Variants in PASK observed in about 807,000 individuals in gnomAD.
The protein encoded by PASK is PAS domain containing serine/threonine kinase, also known as PAS domain-containing serine/threonine-protein kinase.
Under a neutral mutation model 121.0 loss-of-function variants are expected in PASK, and 110 were observed. That is an observed-to-expected ratio of 0.91 (90% confidence interval 0.78 to 1.06). The LOEUF (loss-of-function observed/expected upper bound fraction) is 1.06. Ranked by LOEUF, PASK falls within the 50% of genes least tolerant of loss-of-function variation. The pLI is 0.00. For missense variants in PASK, 1,643 were observed against 1,702.3 expected (o/e 0.97, Z 0.61); for synonymous variants, 686 against 717.8 (o/e 0.96, Z 0.71).
At chr2:241,130,505 T>G (rs1466502173) in intron 9 of PASK, among the ~76,000 whole-genome samples, 2 of 152,114 alleles carry the variant, frequency 1.3e-5, no homozygotes, top group Non-Finnish European at 2.9e-5. Flanking sequence ...CTAGTGCTGT[T>G]GAGCACCCAC....
chr2:241,120,665 A>G (rs76735005), intron 12 of PASK, among the ~76,000 whole-genome samples: 1,709 of 152,300 alleles, frequency 0.011, 39 homozygotes, highest in African/African-American at 0.039. Flanking sequence ...AGAAATGAAA[A>G]GACAATAATA....
rs150025715 is a variant in PASK at position 241,112,254 on chromosome 2, A to G, written c.3519T>C (p.Val1173=). The part of the protein sequence containing the change: ...CGTIEYCAPE[V]LMGNPYRGPE... Reference sequence around the variant, plus strand: ...CGCATACGTACGGATTCCCCATGAGAACTTCCGGTGCACAGTACTCGATGG... The same window carrying G: ...CGCATACGTACGGATTCCCCATGAGGACTTCCGGTGCACAGTACTCGATGG... The change falls in exon 15 of 18, where the codon GTT becomes GTC. Residue 1173 remains valine, a synonymous_variant. Coordinates refer to ENST00000234040, the MANE Select transcript of PASK (RefSeq NM_015148.4). The surrounding 1 kb of genome is among the most constrained non-coding windows in gnomAD (Gnocchi z 5.2). 7.0e-5 allele frequency: 113 copies of G among 1,613,432 alleles called. No homozygotes were observed. In the African/African-American group the frequency reaches 1.5e-3, roughly 21 times the overall value.
Position 241,111,480 on chromosome 2 carries a change from C to T in PASK, c.3533+760G>A, listed in dbSNP as rs570485003. ...CTATCTATTTCTGACTTAATAAAGT[C>T]TATTTCATACACATAGACACATTTG... On this transcript the variant is annotated intron_variant, in intron 15 of 17. Coordinates refer to ENST00000234040, the MANE Select transcript of PASK (RefSeq NM_015148.4). 4.6e-5 allele frequency among the ~76,000 whole-genome samples: 7 copies of T among 152,340 alleles called. No homozygotes were observed. The East Asian group carries it at 1.3e-3, about 29-fold the overall frequency.
At chr2:241,138,174 G>A in intron 5 of PASK, 87 bp from the exon 6 acceptor site, 3 of 1,407,084 alleles carry the variant, frequency 2.1e-6, no homozygotes, top group Non-Finnish European at 3.0e-6. Flanking sequence ...CAAGCCAAAA[G>A]CAAGACCCCA....
chr2:241,142,786 C>A, intron 2 of PASK, 51 bp downstream of exon 2: 1 of 1,331,312 alleles, frequency 7.5e-7, no homozygotes, highest in South Asian at 1.2e-5. Context: ...CAGAGCAACT[C>A]CACATTTGTA....
chr2:241,111,455 C>T (rs2310873), intron 15 of PASK, among the ~76,000 whole-genome samples: 35,617 of 151,994 alleles, frequency 0.23, 6,491 homozygotes, highest in African/African-American at 0.5. Context: ...AAAACACCTG[C>T]TATCTATTTC....
At chr2:241,136,603 G>A (rs1464734441) in intron 7 of PASK, among the ~76,000 whole-genome samples, 1 of 152,218 alleles carries the variant, frequency 6.6e-6, no homozygotes, top group African/African-American at 2.4e-5. Flanking sequence ...GCTCCTGTGG[G>A]AACCCCTCAT....
intron 9 of PASK, among the ~76,000 whole-genome samples, chr2:241,129,558 A>G (rs544639919): frequency 6.6e-6 from 1 of 152,342 alleles, no homozygotes; most frequent in South Asian, 2.1e-4. Context: ...TGACCGTCCA[A>G]TGCTTTTAGC....
At position 241,108,303 on chromosome 2, in the gene PASK, G is replaced by A. The variant is rs55792951; in HGVS notation, c.3534-3C>T. The A allele has an allele frequency of 0.036, 58,163 of 1,613,828 alleles. 1,253 individuals carry two copies. The highest frequency in any genetic ancestry group is 0.041 in the Non-Finnish European group (48,288 of 1,179,820). On this transcript the variant is annotated splice_region_variant and splice_polypyrimidine_tract_variant and intron_variant, in intron 15 of 17. Transcript: ENST00000234040. This position sits in a 1 kb window ranked among gnomAD's most constrained non-coding sequence, Gnocchi z 5.2. ...TCTCCAGCTCCGGCCCTCTGTAGCT[G>A]TGAGGAGGAGGAGGCATCAGGACGC...
intron 17 of PASK, 134 bp from the exon 18 acceptor site, chr2:241,106,857 G>A (rs1316572229): frequency 4.6e-6 from 4 of 862,946 alleles, no homozygotes; most frequent in East Asian, 5.2e-5. Context: ...CAATGTCCCG[G>A]AAGTACAGAT....
chr2:241,132,528 A>AAC (rs1559385923), intron 9 of PASK, among the ~76,000 whole-genome samples: 1 of 62,282 alleles, frequency 1.6e-5, no homozygotes, highest in Non-Finnish European at 2.6e-5. Context: ...GACTCTGTCT[A>AAC]AAAAAAAAAA....
chr2:241,134,445 T>A (rs2125443219), intron 8 of PASK: 1 of 152,310 alleles, frequency 6.6e-6, no homozygotes, highest in Middle Eastern at 3.4e-3. Flanking sequence ...AAACAAATGT[T>A]ACAATCCAGC....
rs760327884 is a variant in PASK at position 241,137,988 on chromosome 2, C to A, written c.841G>T (p.Val281Leu). Residue 281 changes from valine to leucine, a missense_variant, in exon 6 of 18, where the codon GTG becomes TTG. Physicochemically the swap from Val to Leu is conservative, Grantham distance 32 (BLOSUM62 1). This residue lies in a region of PASK where 1,176 missense variants were observed against 1,162.2 expected (regional missense o/e 1.01). Transcript: ENST00000234040. ...TGCTGGCCAGAAGGAGGGAGCTGCA[C>A]AGAAGGGATCAGGTCTGTGATATGC... ...GQHITDLIPS[V>L]QLPPSGQHIP... is the part of the protein sequence containing the mutation. The A allele has an allele frequency of 1.9e-6, 3 of 1,614,094 alleles. No individual in the cohort carries two copies. The Admixed American group carries it at 5.0e-5, about 27-fold the overall frequency.
At chr2:241,130,662 C>A (rs1291655176) in intron 9 of PASK, among the ~76,000 whole-genome samples, 1 of 152,112 alleles carries the variant, frequency 6.6e-6, no homozygotes, top group Non-Finnish European at 1.5e-5. Context: ...GGAAGTAGAG[C>A]AAATAGAGCC....
chr2:241,148,745 G>A (rs1005960451), intron 1 of PASK, among the ~76,000 whole-genome samples: 1 of 152,182 alleles, frequency 6.6e-6, no homozygotes, highest in Admixed American at 6.5e-5. Flanking sequence ...AGTAATCCAG[G>A]CAAGAAATTA....
intron 10 of PASK, among the ~76,000 whole-genome samples, chr2:241,125,525 G>A (rs781474520): frequency 2.0e-5 from 3 of 150,096 alleles, no homozygotes; most frequent in South Asian, 2.1e-4. Flanking sequence ...GCATGAACCC[G>A]GGAGGCGGAG....
At chr2:241,126,175 C>A in intron 10 of PASK, 21 bp downstream of exon 10, 2 of 1,612,562 alleles carry the variant, frequency 1.2e-6, no homozygotes, top group South Asian at 2.2e-5. Flanking sequence ...CACACTTCTT[C>A]CTATGGGGCC....
chr2:241,123,844 C>A, intron 11 of PASK, 105 bp downstream of exon 11: 78 of 854,196 alleles, frequency 9.1e-5, no homozygotes, highest in Non-Finnish European at 1.3e-4. Context: ...AAGCTACAAA[C>A]AGACTGTATT....
intron 14 of PASK, chr2:241,114,714 G>A (rs2871579): frequency 0.2 from 260,870 of 1,325,334 alleles, 36,717 homozygotes; most frequent in African/African-American, 0.65. Flanking sequence ...CCTTTGAGAC[G>A]CTCTCTGGCT....
Sources: allele counts gnomAD v4.1 joint callset (sites outside exome capture counted in the v4.1 genomes callset), GRCh38; gene constraint gnomAD v4.1.1; regional missense constraint gnomAD v4.1.1; non-coding constraint Gnocchi (gnomAD v3.1); transcripts MANE v1.5; gene names NCBI Gene and HGNC (gene_info 2026-07-23, HGNC 2026-07-21).